The following HDAC9 variants were observed in gnomAD, a reference collection of about 807,000 sequenced individuals.
HDAC9 encodes histone deacetylase 9.
A neutral mutation model predicts 139.4 loss-of-function variants in HDAC9; 41 were observed. The ratio of observed to expected loss-of-function variants is 0.29; its 90% CI spans 0.23 to 0.38. HDAC9 has a LOEUF of 0.38. Among genes scored for constraint, HDAC9 ranks in the 10% least tolerant of loss-of-function variants. The pLI is 1.00. For missense variants in HDAC9, 1,147 were observed against 1,297.0 expected (o/e 0.88, Z 1.78); for synonymous variants, 517 against 476.2 (o/e 1.09, Z -1.12).
chr7:18,805,660 C>A (rs181901446), intron 17 of HDAC9, among the ~76,000 whole-genome samples: 3 of 152,320 alleles, frequency 2.0e-5, no homozygotes, highest in Admixed American at 1.3e-4. Context: ...CAAGGTCAGC[C>A]AGTGAGTGCA....
At chr7:18,243,731 T>C (rs1225841624) in intron 2 of HDAC9, among the ~76,000 whole-genome samples, 1 of 152,246 alleles carries the variant, frequency 6.6e-6, no homozygotes, top group East Asian at 1.9e-4. Context: ...TAAATGTCTG[T>C]GTAACACAGT....
At chr7:18,266,010 C>G (rs1178266550) in intron 2 of HDAC9, among the ~76,000 whole-genome samples, 2 of 152,120 alleles carry the variant, frequency 1.3e-5, no homozygotes, top group Non-Finnish European at 2.9e-5. Flanking sequence ...ATTTTTAATA[C>G]TCTTATTACA....
chr7:18,215,342 T>A (rs997643154), intron 2 of HDAC9, among the ~76,000 whole-genome samples: 23 of 152,082 alleles, frequency 1.5e-4, no homozygotes, highest in Non-Finnish European at 3.2e-4. Context: ...GTCAAGAGAT[T>A]TGTGTTAGAA....
At chr7:18,526,063 C>A (rs1773623655) in intron 2 of HDAC9, among the ~76,000 whole-genome samples, 1 of 152,132 alleles carries the variant, frequency 6.6e-6, no homozygotes, top group South Asian at 2.1e-4. Flanking sequence ...TTTAGGGGTA[C>A]ATAAATAATT....
intron 1 of HDAC9, among the ~76,000 whole-genome samples, chr7:18,342,772 C>T (rs908294424): frequency 2.0e-5 from 3 of 151,780 alleles, no homozygotes; most frequent in African/African-American, 7.3e-5. Flanking sequence ...ATGAAACAGT[C>T]TTTCATTTGT....
At chr7:18,815,860 T>C (rs1053156841) in intron 17 of HDAC9, among the ~76,000 whole-genome samples, 4 of 152,234 alleles carry the variant, frequency 2.6e-5, no homozygotes, top group African/African-American at 9.6e-5. Context: ...CCTACTTCCC[T>C]GAATCTCCCA....
At chr7:18,250,216 G>C (rs1794831175) in intron 2 of HDAC9, among the ~76,000 whole-genome samples, 1 of 152,222 alleles carries the variant, frequency 6.6e-6, no homozygotes, top group Non-Finnish European at 1.5e-5. Flanking sequence ...TGAAGCAGAA[G>C]AGCAAACAGC....
intron 2 of HDAC9, among the ~76,000 whole-genome samples, chr7:18,257,499 T>G (rs1281972764): frequency 6.6e-6 from 1 of 151,850 alleles, no homozygotes; most frequent in African/African-American, 2.4e-5. Flanking sequence ...ATCCAGGTGC[T>G]AAGGTACTAT....
intron 2 of HDAC9, among the ~76,000 whole-genome samples, chr7:18,190,336 T>C (rs959147353): frequency 1.3e-5 from 2 of 152,200 alleles, no homozygotes; most frequent in Non-Finnish European, 2.9e-5. Context: ...TAAATAAATA[T>C]GTGTATATGT....
At chr7:18,866,218 C>T (rs1256560893) in intron 21 of HDAC9, among the ~76,000 whole-genome samples, 1 of 151,704 alleles carries the variant, frequency 6.6e-6, no homozygotes, top group African/African-American at 2.4e-5. Flanking sequence ...GACCCTTCCA[C>T]TGCAGGGCTA....
chr7:18,280,773 AAT>A (rs1491069086), intron 2 of HDAC9, among the ~76,000 whole-genome samples: 8 of 150,636 alleles, frequency 5.3e-5, no homozygotes, highest in East Asian at 3.9e-4. Context: ...AAAAAAAATA[AAT>A]AAATAAATAA....
intron 1 of HDAC9, among the ~76,000 whole-genome samples, chr7:18,333,559 A>G (rs928611922): frequency 1.3e-5 from 2 of 151,522 alleles, no homozygotes; most frequent in Admixed American, 6.6e-5. Context: ...ACTTGCAATC[A>G]TAGGTTATTT....
At chr7:18,591,449 C>G (rs1830919038) in intron 4 of HDAC9, 67 bp from the exon 5 acceptor site, 10 of 1,479,838 alleles carry the variant, frequency 6.8e-6, no homozygotes, top group South Asian at 2.7e-5. Flanking sequence ...ACAAAACTCA[C>G]CATCAACATC....
At chr7:18,506,526 G>A (rs939783154) in intron 2 of HDAC9, among the ~76,000 whole-genome samples, 2 of 150,516 alleles carry the variant, frequency 1.3e-5, no homozygotes, top group Non-Finnish European at 3.0e-5. Context: ...ATATATATCT[G>A]TTTCTAAAAA....
intron 12 of HDAC9, among the ~76,000 whole-genome samples, chr7:18,683,192 G>C (rs1031610840): frequency 6.6e-6 from 1 of 151,906 alleles, no homozygotes; most frequent in African/African-American, 2.4e-5. Context: ...AAGGTGTATA[G>C]AAAAAGTCCT....
chr7:18,936,494 C>A (rs117679667), intron 23 of HDAC9, among the ~76,000 whole-genome samples: 2 of 152,156 alleles, frequency 1.3e-5, no homozygotes, highest in Non-Finnish European at 2.9e-5. Flanking sequence ...ATTATATTTT[C>A]TTTCACATCA....
intron 1 of HDAC9, among the ~76,000 whole-genome samples, chr7:18,400,297 G>T (rs1257183967): frequency 6.6e-6 from 1 of 152,198 alleles, no homozygotes; most frequent in Non-Finnish European, 1.5e-5. Flanking sequence ...GTTTTGGATT[G>T]TAAGGGTAGA....
chr7:18,733,084 CAT>C (rs1363117285), intron 13 of HDAC9, among the ~76,000 whole-genome samples: 23 of 142,978 alleles, frequency 1.6e-4, no homozygotes, highest in African/African-American at 3.6e-4. Flanking sequence ...CATGTATACA[CAT>C]ATATACATGT....
chr7:18,949,552 A>T, intron 23 of HDAC9: 1 of 212,090 alleles, frequency 4.7e-6, no homozygotes, highest in South Asian at 8.4e-5. Context: ...TTTTATTTGG[A>T]CTGCGTTTAT....
Sources: allele counts gnomAD v4.1 joint callset (sites outside exome capture counted in the v4.1 genomes callset), GRCh38; gene constraint gnomAD v4.1.1; transcripts MANE v1.5; gene names NCBI Gene and HGNC (gene_info 2026-07-23, HGNC 2026-07-21).